TRPC7: variants seen among roughly 807,000 people sequenced by gnomAD.
The protein encoded by TRPC7 is transient receptor potential cation channel subfamily C member 7, also known as short transient receptor potential channel 7.
A neutral mutation model predicts 90.1 loss-of-function variants in TRPC7; 42 were observed. The observed-to-expected ratio is 0.47, with a 90% CI of 0.36 to 0.60. The LOEUF (loss-of-function observed/expected upper bound fraction) is 0.60. Among genes scored for constraint, TRPC7 ranks in the 20% least tolerant of loss-of-function variants. The pLI is 0.00. For synonymous variants in TRPC7, 451 were observed against 436.3 expected (o/e 1.03, Z -0.42); for missense variants, 955 against 1,112.3 (o/e 0.86, Z 2.01).
chr5:136,255,332 C>T (rs1580868291), intron 5 of TRPC7, among the ~76,000 whole-genome samples: 1 of 152,130 alleles, frequency 6.6e-6, no homozygotes, highest in East Asian at 1.9e-4. Flanking sequence ...AAGAAATTGC[C>T]ACGGCCACTT....
intron 2 of TRPC7, among the ~76,000 whole-genome samples, chr5:136,348,133 T>G (rs1760070450): frequency 6.6e-6 from 1 of 152,196 alleles, no homozygotes; most frequent in African/African-American, 2.4e-5. Context: ...CTTTCCAAAC[T>G]GCATATATGA....
chr5:136,224,751 T>A lies in TRPC7; in HGVS notation c.2343+523A>T, dbSNP rs187700045. On this transcript the variant is annotated intron_variant, in intron 10 of 11. Transcript: ENST00000513104. ...CTGGGCAAAGTTACCCTCTCCCCCA[T>A]CCTGACAGTGGTCTGGCCCTCTGAC... 2.6e-4 allele frequency among the ~76,000 whole-genome samples: 39 copies of A among 152,250 alleles called. 1 individual carries two copies. Among genetic ancestry groups the A allele is most frequent in the African/African-American group, 9.1e-4 (38 of 41,556 alleles).
intron 3 of TRPC7, among the ~76,000 whole-genome samples, chr5:136,301,258 G>C (rs72667125): frequency 4.6e-5 from 7 of 150,682 alleles, no homozygotes; most frequent in African/African-American, 9.8e-5. Flanking sequence ...AACTCCTGAC[G>C]TCAGATGATC....
intron 2 of TRPC7, among the ~76,000 whole-genome samples, chr5:136,319,584 C>T (rs1410947290): frequency 1.3e-5 from 2 of 152,120 alleles, no homozygotes; most frequent in Admixed American, 6.5e-5. Flanking sequence ...CCATTTTGCC[C>T]TCCTTGTACC....
At chr5:136,242,332 T>G (rs1163320718) in intron 7 of TRPC7, among the ~76,000 whole-genome samples, 1 of 152,208 alleles carries the variant, frequency 6.6e-6, no homozygotes, top group Non-Finnish European at 1.5e-5. Flanking sequence ...GCAGGTGTAC[T>G]ATCTGTCATG....
At chr5:136,258,156 T>C (rs1355949222) in intron 5 of TRPC7, among the ~76,000 whole-genome samples, 1 of 152,334 alleles carries the variant, frequency 6.6e-6, no homozygotes, top group East Asian at 1.9e-4. Context: ...TCATTGGACA[T>C]TGGGAATCAC....
intron 3 of TRPC7, among the ~76,000 whole-genome samples, chr5:136,303,407 T>C (rs1011138985): frequency 2.0e-5 from 3 of 152,124 alleles, no homozygotes; most frequent in Admixed American, 6.5e-5. Flanking sequence ...AACCTCACCT[T>C]CAAGGTGTAC....
chr5:136,346,332 T>G (rs1459756440), intron 2 of TRPC7, among the ~76,000 whole-genome samples: 1 of 152,224 alleles, frequency 6.6e-6, no homozygotes, highest in Non-Finnish European at 1.5e-5. Flanking sequence ...TTTTTAAAAT[T>G]CTATAATCAG....
rs1212352579 is a variant in TRPC7, at chr5:136,226,149, T to A, written c.2147A>T (p.Lys716Ile). The A allele has an allele frequency of 1.3e-6, 2 of 1,575,066 alleles. No individual in the cohort carries two copies. The highest frequency in any genetic ancestry group is 1.7e-6 in the Non-Finnish European group (2 of 1,158,244). Residue 716 changes from lysine to isoleucine, a missense_variant, in exon 9 of 12, where the codon AAA becomes ATA. Physicochemically the swap from Lys to Ile is moderately radical, Grantham distance 102. Around this residue, in one of 4 missense-constraint regions of TRPC7, gnomAD observed 296 missense variants for 422.7 expected, o/e 0.70. Coordinates refer to ENST00000513104, the MANE Select transcript of TRPC7 (RefSeq NM_020389.3). ...TCTCATTATGAGATAATAAAATGAT[T>A]TAGGACTTGGCACTAGATTAAAAGG... ...PAPFNLVPSP[K>I]SFYYLIMRIK...
At chr5:136,252,407 CTG>C (rs1276765386) in intron 5 of TRPC7, among the ~76,000 whole-genome samples, 1 of 152,006 alleles carries the variant, frequency 6.6e-6, no homozygotes, top group East Asian at 1.9e-4. Context: ...TTCTGTATTT[CTG>C]TGTCATGAGC....
intron 7 of TRPC7, among the ~76,000 whole-genome samples, chr5:136,242,470 G>A (rs1756203311): frequency 6.6e-6 from 1 of 152,178 alleles, no homozygotes; most frequent in African/African-American, 2.4e-5. Context: ...AGAGGAAGGA[G>A]GCTGAAAAAT....
At chr5:136,225,618 C>T (rs1350713440) in intron 9 of TRPC7, among the ~76,000 whole-genome samples, 1 of 151,928 alleles carries the variant, frequency 6.6e-6, no homozygotes, top group Non-Finnish European at 1.5e-5. Context: ...GTCTTTTCTC[C>T]AGGGGTTTTA....
intron 2 of TRPC7, among the ~76,000 whole-genome samples, chr5:136,346,075 C>T (rs113355025): frequency 0.024 from 3,671 of 152,002 alleles, 161 homozygotes; most frequent in African/African-American, 0.084. Flanking sequence ...TCTCACACAC[C>T]GAGGCCTGTT....
At chr5:136,339,718 A>G (rs1022993880) in intron 2 of TRPC7, among the ~76,000 whole-genome samples, 2 of 152,134 alleles carry the variant, frequency 1.3e-5, no homozygotes, top group African/African-American at 4.8e-5. Flanking sequence ...CCCATTCTCT[A>G]GTCCCTGCCC....
At chr5:136,259,611 G>A (rs891884148) in intron 5 of TRPC7, among the ~76,000 whole-genome samples, 2 of 152,200 alleles carry the variant, frequency 1.3e-5, no homozygotes, top group African/African-American at 4.8e-5. Context: ...AACATCTCTA[G>A]TGCTATAATC....
chr5:136,329,461 A>T lies in TRPC7; in HGVS notation c.781-13682T>A, dbSNP rs147365621. Among the ~76,000 whole-genome samples, 402 of 152,194 alleles carry T rather than the reference A, an allele frequency of 2.6e-3. 2 individuals carry two copies. Among genetic ancestry groups the T allele is most frequent in the African/African-American group, 9.2e-3 (381 of 41,514 alleles). On this transcript the variant is annotated intron_variant, in intron 2 of 11. Transcript: ENST00000513104. ...CGACAGGGTTGGGGCATGCTACCTG[A>T]GTTTCGGATATCACGGGGTTTCCAA...
intron 7 of TRPC7, among the ~76,000 whole-genome samples, chr5:136,234,675 A>C (rs1755932282): frequency 6.6e-6 from 1 of 152,182 alleles, no homozygotes; most frequent in African/African-American, 2.4e-5. Flanking sequence ...TTCATGGGGC[A>C]AAATGAATGA....
In TRPC7 at chr5:136,347,585, C is replaced by T. The variant is rs534551217; in HGVS notation, c.780+9023G>A. ...GGGAAGATTAAAGTCCACTGGAATC[C>T]TTTCCATTCTGGAGTTATCACTTCT... On this transcript the variant is annotated intron_variant, in intron 2 of 11. Transcript: ENST00000513104. 1.4e-3 allele frequency among the ~76,000 whole-genome samples: 219 copies of T among 152,288 alleles called. 2 individuals carry two copies. The highest frequency in any genetic ancestry group is 3.4e-3 in the Middle Eastern group (1 of 294).
At chr5:136,348,618 G>A (rs190272162) in intron 2 of TRPC7, among the ~76,000 whole-genome samples, 15 of 152,116 alleles carry the variant, frequency 9.9e-5, no homozygotes, top group Middle Eastern at 3.2e-3. Context: ...TTTTATGTCA[G>A]CATCCAACTC....
Sources: allele counts gnomAD v4.1 joint callset (sites outside exome capture counted in the v4.1 genomes callset), GRCh38; gene constraint gnomAD v4.1.1; regional missense constraint gnomAD v4.1.1; transcripts MANE v1.5; gene names NCBI Gene and HGNC (gene_info 2026-07-23, HGNC 2026-07-21).